The following SLC35A1 variants were observed in gnomAD, a reference collection of about 807,000 sequenced individuals.
SLC35A1 encodes the protein solute carrier family 35 member A1.
In SLC35A1, 21 loss-of-function variants were observed where a neutral mutation model predicts 40.3. The ratio of observed to expected loss-of-function variants is 0.52; its 90% CI spans 0.37 to 0.75. The LOEUF (loss-of-function observed/expected upper bound fraction) is 0.75, where lower values mean the gene tolerates loss of function less well. Ranked by LOEUF, SLC35A1 falls within the 30% of genes least tolerant of loss-of-function variation. The pLI is 0.00. For synonymous variants in SLC35A1, 146 were observed against 147.3 expected (o/e 0.99, Z 0.06); for missense variants, 297 against 382.1 (o/e 0.78, Z 1.86).
chr6:87,494,865 C>T (rs1769671281), intron 2 of SLC35A1, among the ~76,000 whole-genome samples: 1 of 152,214 alleles, frequency 6.6e-6, no homozygotes, highest in African/African-American at 2.4e-5. Context: ...TTACTAGACT[C>T]TATCACAGCT....
At chr6:87,477,814 C>T (rs1769118682) in intron 2 of SLC35A1, among the ~76,000 whole-genome samples, 1 of 152,168 alleles carries the variant, frequency 6.6e-6, no homozygotes, top group Non-Finnish European at 1.5e-5. Flanking sequence ...GTCAGTACTG[C>T]TGAGGTTGAA....
chr6:87,499,046 C>A (rs928544500), intron 2 of SLC35A1: 1 of 798,606 alleles, frequency 1.3e-6, no homozygotes, highest in Non-Finnish European at 1.5e-6. Flanking sequence ...TTTGGTAATA[C>A]AAAGAGATCT....
At chr6:87,504,292 T>G (rs1017313370) in intron 4 of SLC35A1, among the ~76,000 whole-genome samples, 6 of 151,956 alleles carry the variant, frequency 3.9e-5, no homozygotes, top group African/African-American at 7.3e-5. Context: ...AAAAAAGCTT[T>G]CTTTAATGCC....
intron 7 of SLC35A1, 85 bp downstream of exon 7, chr6:87,509,260 G>A: frequency 6.5e-7 from 1 of 1,530,928 alleles, no homozygotes; most frequent in Non-Finnish European, 9.0e-7. Context: ...AAAAGTGGCA[G>A]TTGGTCATAC....
intron 5 of SLC35A1, among the ~76,000 whole-genome samples, chr6:87,507,767 T>G (rs967145330): frequency 7.2e-5 from 10 of 139,538 alleles, no homozygotes; most frequent in African/African-American, 2.2e-4. Flanking sequence ...GGGTATCATG[T>G]ACTCCTTTGA....
At chr6:87,474,777 C>T (rs1166277881) in intron 1 of SLC35A1, among the ~76,000 whole-genome samples, 1 of 152,152 alleles carries the variant, frequency 6.6e-6, no homozygotes, top group Non-Finnish European at 1.5e-5. Context: ...CTGTTTTGCA[C>T]ATACCTAAAC....
intron 7 of SLC35A1, among the ~76,000 whole-genome samples, chr6:87,510,174 C>T (rs1770220686): frequency 6.6e-6 from 1 of 152,102 alleles, no homozygotes; most frequent in South Asian, 2.1e-4. Flanking sequence ...AGGTGAAGTG[C>T]TTAGAGTAGT....
intron 4 of SLC35A1, 82 bp from the exon 5 acceptor site, chr6:87,506,300 G>GT: frequency 9.3e-7 from 1 of 1,080,750 alleles, no homozygotes; most frequent in Non-Finnish European, 1.4e-6. Flanking sequence ...ACTGTAACAG[G>GT]TTTTTGTATT....
intron 4 of SLC35A1, among the ~76,000 whole-genome samples, chr6:87,504,473 CTTTT>C (rs1228741494): frequency 6.6e-6 from 1 of 151,860 alleles, no homozygotes; most frequent in Non-Finnish European, 1.5e-5. Flanking sequence ...CTTATGTATT[CTTTT>C]TTTTACTTTT....
chr6:87,504,991 A>C (rs149062136), intron 4 of SLC35A1, among the ~76,000 whole-genome samples: 1,770 of 152,320 alleles, frequency 0.012, 18 homozygotes, highest in Non-Finnish European at 0.017. Flanking sequence ...AGGTTGGTTG[A>C]AACAGATTGC....
At chr6:87,478,328 A>AT (rs529543549) in intron 2 of SLC35A1, among the ~76,000 whole-genome samples, 19 of 152,168 alleles carry the variant, frequency 1.2e-4, no homozygotes, top group African/African-American at 3.9e-4. Flanking sequence ...CAGTTTGTTC[A>AT]TTTTTTTAAT....
intron 2 of SLC35A1, among the ~76,000 whole-genome samples, chr6:87,481,309 TGGGAGGCTGA>T (rs1769235321): frequency 6.6e-6 from 1 of 151,350 alleles, no homozygotes; most frequent in Non-Finnish European, 1.5e-5. Context: ...CCCAGCTACT[TGGGAGGCTGA>T]GGCAGGAGAA....
At position 87,508,545 on chromosome 6, in the gene SLC35A1, A is replaced by C. The variant is rs767806264; in HGVS notation, c.700A>C (p.Lys234Gln). 6.2e-7 allele frequency: 1 copy of C among 1,613,344 alleles called. No homozygotes were observed. Among genetic ancestry groups the C allele is most frequent in the Non-Finnish European group, 8.5e-7 (1 of 1,179,626 alleles). ...CTACTTGTCAGATGGAGCTGAAATT[A>C]AAGAAAAAGGATTTTTCTATGGTTA... ...GVYLSDGAEI[K>Q]EKGFFYGYTY... The change falls in exon 6 of 8, where the codon AAA becomes CAA. Residue 234 changes from lysine to glutamine, a missense_variant. Transcript: ENST00000369552.
At chr6:87,496,897 A>T (rs184315786) in intron 2 of SLC35A1, among the ~76,000 whole-genome samples, 1 of 151,928 alleles carries the variant, frequency 6.6e-6, no homozygotes, top group Non-Finnish European at 1.5e-5. Context: ...ATTTGTTTCT[A>T]TCTCTTTCAT....
At chr6:87,488,029 GTTA>G (rs946089156) in intron 2 of SLC35A1, 6 of 152,152 alleles carry the variant, frequency 3.9e-5, no homozygotes, top group Admixed American at 1.3e-4. Context: ...ATTGGGTAGA[GTTA>G]TTATTATTTT....
chr6:87,476,489 C>T (rs1286424371), intron 1 of SLC35A1, among the ~76,000 whole-genome samples: 1 of 152,134 alleles, frequency 6.6e-6, no homozygotes, highest in Non-Finnish European at 1.5e-5. Flanking sequence ...GTTTGGGAGG[C>T]CGAGGTGGGT....
At chr6:87,489,489 A>C (rs993277978) in intron 2 of SLC35A1, among the ~76,000 whole-genome samples, 6 of 151,148 alleles carry the variant, frequency 4.0e-5, no homozygotes, top group African/African-American at 1.5e-4. Flanking sequence ...GCCCTCGAAG[A>C]AGCCAGGGCC....
chr6:87,496,766 C>T (rs1298478754), intron 2 of SLC35A1, among the ~76,000 whole-genome samples: 16 of 124,642 alleles, frequency 1.3e-4, no homozygotes, highest in Non-Finnish European at 1.9e-4. Context: ...GGTGACATGG[C>T]TAGACTCCAT....
chr6:87,511,472 T>G lies in SLC35A1; in HGVS notation c.960T>G (p.Thr320=), dbSNP rs775081181. 37 of 1,613,726 alleles carry G rather than the reference T, an allele frequency of 2.3e-5. No homozygotes were observed. Among genetic ancestry groups the G allele is most frequent in the Middle Eastern group, 3.3e-4 (2 of 6,082 alleles). ...IYLYGLPRQD[T]TSIQQGETAS... is the part of the protein sequence containing the mutation. Reference sequence around the variant, plus strand: ...TCTATGGATTACCCAGACAAGACACTACATCCATCCAACAAGGAGAAACAG... The same window carrying G: ...TCTATGGATTACCCAGACAAGACACGACATCCATCCAACAAGGAGAAACAG... The change falls in exon 8 of 8, where the codon ACT becomes ACG. Residue 320 remains threonine (T), a synonymous_variant. Transcript: ENST00000369552.
Sources: gnomAD v4.1 joint callset for allele counts (sites outside exome capture counted in the v4.1 genomes callset) on GRCh38, gnomAD v4.1.1 for gene constraint, MANE v1.5 for transcripts, NCBI Gene and HGNC (gene_info 2026-07-23, HGNC 2026-07-21) for gene names.